EPG5: variants seen among roughly 807,000 people sequenced by gnomAD.
The protein encoded by EPG5 is ectopic P granules protein 5 homolog.
EPG5 carries 159 observed loss-of-function variants against 302.7 expected under a neutral mutation model. The ratio of observed to expected loss-of-function variants is 0.53; its 90% CI spans 0.46 to 0.60. EPG5 has a LOEUF of 0.60. EPG5 is among the 20% of genes least tolerant of loss of function. EPG5 has a pLI of 0.00. For synonymous variants in EPG5, 1,158 were observed against 1,136.8 expected, an observed-to-expected ratio of 1.02 and a Z score of -0.37; for missense variants, 2,896 against 3,092.4, an observed-to-expected ratio of 0.94 and a Z score of 1.51.
At chr18:45,837,670 G>A in the EPG5 span, 4 of 1,493,128 alleles carry the variant, frequency 2.7e-6, no homozygotes, top group Admixed American at 6.6e-5. Context: ...ATGCGGGCCC[G>A]CAGGTGTTCC....
At chr18:45,832,019 G>A in the EPG5 span, among the ~76,000 whole-genome samples, 4 of 152,282 alleles carry the variant, frequency 2.6e-5, no homozygotes, top group Middle Eastern at 3.4e-3. Flanking sequence ...GGCGTGAGCC[G>A]CCACGCCCGG....
intron 27 of EPG5, among the ~76,000 whole-genome samples, chr18:45,891,259 G>A (rs1362317831): frequency 6.6e-6 from 1 of 151,938 alleles, no homozygotes; most frequent in East Asian, 1.9e-4. Context: ...AGCACTTTGG[G>A]AGGCCGAGGT....
intron 9 of EPG5, among the ~76,000 whole-genome samples, chr18:45,942,552 G>A (rs1019821491): frequency 2.0e-5 from 3 of 152,058 alleles, no homozygotes; most frequent in African/African-American, 7.3e-5. Flanking sequence ...GCAGTGAGAC[G>A]AGATCGTGCC....
At chr18:45,944,225 T>A in intron 7 of EPG5, 106 bp from the exon 8 acceptor site, 2 of 698,594 alleles carry the variant, frequency 2.9e-6, no homozygotes, top group Non-Finnish European at 5.1e-6. Flanking sequence ...ATACATGTGA[T>A]ATCCTCATGA....
chr18:45,967,316 C>T lies in EPG5; in HGVS notation c.-77G>A. On this transcript the variant is annotated 5_prime_UTR_variant, in exon 1 of 44. Coordinates refer to ENST00000282041, the MANE Select transcript of EPG5 (RefSeq NM_020964.3). ...CAAGCAACCTGCCCGGTTCTGGCCT[C>T]CGGACTGTCACATGATCGAATCTCC... is the stretch of plus-strand genomic sequence containing the variant. The T allele has an allele frequency of 7.3e-7, 1 of 1,376,416 alleles. No individual in the cohort carries two copies. The highest frequency in any genetic ancestry group is 1.5e-5 in the African/African-American group (1 of 67,798). The allele number at this position is 1,376,416 out of a possible 1,614,324, so 85.3% of individuals were successfully genotyped here. A position where few individuals can be genotyped will look rare whatever the true frequency, so the allele number is the denominator to read the frequency against.
At chr18:45,839,401 C>T in the EPG5 span, among the ~76,000 whole-genome samples, 1 of 152,194 alleles carries the variant, frequency 6.6e-6, no homozygotes, top group South Asian at 2.1e-4. Flanking sequence ...ACCCGGTAAA[C>T]GATTCCTCTG....
chr18:45,839,066 T>C, the EPG5 span: 1 of 1,471,354 alleles, frequency 6.8e-7, no homozygotes, highest in Non-Finnish European at 8.9e-7. Context: ...CTCGGGGTCC[T>C]GGCCGCCCGC....
chr18:45,802,784 T>C, the EPG5 span, among the ~76,000 whole-genome samples: 38 of 152,214 alleles, frequency 2.5e-4, no homozygotes, highest in Non-Finnish European at 4.6e-4. Context: ...CTCTTGATGG[T>C]AAATAAAAGT....
At chr18:45,860,832 A>G (rs1010630736) in intron 39 of EPG5, among the ~76,000 whole-genome samples, 2 of 152,238 alleles carry the variant, frequency 1.3e-5, no homozygotes, top group African/African-American at 4.8e-5. Context: ...AAATGTAAGG[A>G]AAAACCTTTG....
intron 1 of EPG5, among the ~76,000 whole-genome samples, chr18:45,959,420 G>A (rs1441943562): frequency 1.4e-5 from 2 of 147,400 alleles, no homozygotes; most frequent in Admixed American, 6.6e-5. Context: ...GCTGAGGCAG[G>A]TGGATTACGA....
At chr18:45,832,500 G>A in the EPG5 span, among the ~76,000 whole-genome samples, 2 of 152,026 alleles carry the variant, frequency 1.3e-5, no homozygotes, top group Non-Finnish European at 2.9e-5. Context: ...CACAGATTGG[G>A]TGCTTGATAA....
chr18:45,838,628 T>C, the EPG5 span: 2 of 1,428,688 alleles, frequency 1.4e-6, no homozygotes, highest in Non-Finnish European at 1.8e-6. Flanking sequence ...ATTCCTCCCT[T>C]CTGACCAGCC....
the EPG5 span, among the ~76,000 whole-genome samples, chr18:45,811,823 A>G: frequency 6.6e-6 from 1 of 152,330 alleles, no homozygotes; most frequent in African/African-American, 2.4e-5. Flanking sequence ...CTGAGTGGGC[A>G]AAAACTGGAA....
At chr18:45,913,092 A>G (rs904036104) in intron 21 of EPG5, among the ~76,000 whole-genome samples, 14 of 83,808 alleles carry the variant, frequency 1.7e-4, no homozygotes, top group African/African-American at 8.6e-4. Context: ...CTCTGTCTCA[A>G]AAAAAAAAAA....
chr18:45,944,038 G>A lies in EPG5; in HGVS notation c.1759C>T (p.Leu587Phe). The A allele has an allele frequency of 6.2e-7, 1 of 1,613,656 alleles. No homozygotes were observed. The highest frequency in any genetic ancestry group is 8.5e-7 in the Non-Finnish European group (1 of 1,179,568). The change falls in exon 8 of 44, where the codon CTC becomes TTC. Residue 587 changes from leucine (L) to phenylalanine (F), a missense_variant. Coordinates refer to ENST00000282041, the MANE Select transcript of EPG5 (RefSeq NM_020964.3). ...TILAQFPFHE[L>F]FQHLLGFKAK... is the part of the protein sequence containing the mutation. ...TTAAACCCAAGAAGATGCTGAAAGA[G>A]TTCATGAAAGGGGAACTGTGCTAAA...
chr18:45,827,626 G>T, the EPG5 span, among the ~76,000 whole-genome samples: 1 of 152,144 alleles, frequency 6.6e-6, no homozygotes, highest in Non-Finnish European at 1.5e-5. Context: ...TGTAAACTGG[G>T]GTCCCTGCCA....
In EPG5 at chr18:45,943,285, G is replaced by A. The variant is rs1311623694; in HGVS notation, c.1819C>T (p.Pro607Ser). ...GCAAAAATTTTCATCATCTCTTGAG[G>A]TCTTGTTGTTTCAGGTAAATAATCA... ...KGDYLPETTRPQEMMKIFAFA... is the reference protein window; with the variant it reads ...KGDYLPETTRSQEMMKIFAFA... The change falls in exon 9 of 44, where the codon CCT becomes TCT. Residue 607 changes from proline to serine, a missense_variant. This residue lies in a region of EPG5 where 1,390 missense variants were observed against 1,430.0 expected (regional missense o/e 0.97). Coordinates refer to ENST00000282041, the MANE Select transcript of EPG5 (RefSeq NM_020964.3). 6.2e-7 allele frequency: 1 copy of A among 1,613,944 alleles called. No homozygotes were observed. The highest frequency in any genetic ancestry group is 8.5e-7 in the Non-Finnish European group (1 of 1,179,938).
At chr18:45,837,605 C>T in the EPG5 span, 1 of 1,510,074 alleles carries the variant, frequency 6.6e-7, no homozygotes, top group Non-Finnish European at 8.8e-7. Flanking sequence ...CTTCACGCAC[C>T]CGCACCGCCA....
At chr18:45,965,143 C>T (rs1196902045) in intron 1 of EPG5, among the ~76,000 whole-genome samples, 1 of 152,062 alleles carries the variant, frequency 6.6e-6, no homozygotes, top group East Asian at 1.9e-4. Context: ...AATCGTGTCC[C>T]CTGCAGCAAC....
Sources: gnomAD v4.1 joint callset for allele counts (sites outside exome capture counted in the v4.1 genomes callset) on GRCh38, gnomAD v4.1.1 for gene constraint, gnomAD v4.1.1 regional missense constraint, MANE v1.5 for transcripts, NCBI Gene and HGNC (gene_info 2026-07-23, HGNC 2026-07-21) for gene names.